The following HIBCH variants were observed in gnomAD, a reference collection of about 807,000 sequenced individuals.
HIBCH encodes 3-hydroxyisobutyryl-CoA hydrolase, mitochondrial.
HIBCH carries 50 observed loss-of-function variants against 58.2 expected under a neutral mutation model. The ratio of observed to expected loss-of-function variants is 0.86; its 90% confidence interval spans 0.68 to 1.09. The LOEUF (loss-of-function observed/expected upper bound fraction) is 1.09. HIBCH is among the 50% of genes least tolerant of loss of function. The pLI, the probability that HIBCH is intolerant of heterozygous loss-of-function variation, is 0.00. For synonymous variants in HIBCH, 151 were observed against 146.9 expected (o/e 1.03, Z -0.20); for missense variants, 450 against 449.7 (o/e 1.00, Z -0.01).
At chr2:190,302,130 G>C (rs1398621109) in intron 2 of HIBCH, among the ~76,000 whole-genome samples, 1 of 152,174 alleles carries the variant, frequency 6.6e-6, no homozygotes, top group Admixed American at 6.5e-5. Flanking sequence ...TTGGAAAAGA[G>C]AGCTTTACTT....
Position 190,217,024 on chromosome 2 carries a change from G to A in HIBCH, c.892-3949C>T, listed in dbSNP as rs1685565479. The stretch of plus-strand genomic sequence containing the variant: ...ATGAGGAAGTGAGGGTGGAGCCAGG[G>A]ATGCTTTTGCTAATGAAAGTGCCCC... On this transcript the variant is annotated intron_variant, in intron 11 of 13. Coordinates refer to ENST00000359678, the MANE Select transcript of HIBCH (RefSeq NM_014362.4). The surrounding 1 kb of genome is among the most constrained non-coding windows in gnomAD (Gnocchi z 4.6). Among the ~76,000 whole-genome samples the A allele has an allele frequency of 6.6e-6, 1 of 152,202 alleles. No individual in the cohort carries two copies. The highest frequency in any genetic ancestry group is 1.5e-5 in the Non-Finnish European group (1 of 68,042).
chr2:190,246,626 G>C (rs910824481), intron 9 of HIBCH, among the ~76,000 whole-genome samples: 1 of 152,210 alleles, frequency 6.6e-6, no homozygotes, highest in Non-Finnish European at 1.5e-5. Flanking sequence ...CTCTCAAGGA[G>C]GAGTTCACAA....
rs1222232047 is a variant in HIBCH at position 190,206,400 on chromosome 2, C to A, written c.1046-1168G>T. Among the ~76,000 whole-genome samples, 3 of 152,222 alleles carry A rather than the reference C, an allele frequency of 2.0e-5. No individual in the cohort carries two copies. The highest frequency in any genetic ancestry group is 4.4e-5 in the Non-Finnish European group (3 of 68,044). ...AAGAATCTCTCTCACTCTAAGTCTT[C>A]TGGTCAATACTACCTGTCTCCTTGA... On this transcript the variant is annotated intron_variant, in intron 13 of 13. Coordinates refer to ENST00000359678, the MANE Select transcript of HIBCH (RefSeq NM_014362.4). This position sits in a 1 kb window ranked among gnomAD's most constrained non-coding sequence, Gnocchi z 5.1.
chr2:190,202,228 T>C (rs1690266256), downstream of HIBCH: 1 of 167,040 alleles, frequency 6.0e-6, no homozygotes, highest in African/African-American at 2.4e-5. Context: ...CAGTATACTT[T>C]TATCACCAAG....
chr2:190,295,593 TAA>T (rs1450980039), intron 3 of HIBCH, among the ~76,000 whole-genome samples: 1 of 152,226 alleles, frequency 6.6e-6, no homozygotes. Context: ...AATAAATATG[TAA>T]CGCACAAGGA....
chr2:190,243,099 C>CT lies in HIBCH; in HGVS notation c.891+1787dup, dbSNP rs1686500619. On this transcript the variant is annotated intron_variant, in intron 11 of 13. Coordinates refer to ENST00000359678, the MANE Select transcript of HIBCH (RefSeq NM_014362.4). This position sits in a 1 kb window ranked among gnomAD's most constrained non-coding sequence, Gnocchi z 4.1. ...TACAAAGTATTGATCCTGGATGTGT[C>CT]TGTGAGGGTGTTGCCAAAAGAGATT... Among the ~76,000 whole-genome samples, 1 of 152,150 alleles carries CT rather than the reference C, an allele frequency of 6.6e-6. No homozygotes were observed. Among genetic ancestry groups the CT allele is most frequent in the African/African-American group, 2.4e-5 (1 of 41,436 alleles).
At chr2:190,237,005 C>G (rs1559026549) in intron 11 of HIBCH, among the ~76,000 whole-genome samples, 1 of 152,056 alleles carries the variant, frequency 6.6e-6, no homozygotes, top group Non-Finnish European at 1.5e-5. Flanking sequence ...TTATTAATAG[C>G]AATAAATGGT....
intron 2 of HIBCH, among the ~76,000 whole-genome samples, chr2:190,297,556 T>C (rs1440898827): frequency 1.3e-5 from 2 of 152,220 alleles, no homozygotes; most frequent in African/African-American, 2.4e-5. Flanking sequence ...CAGATTATAA[T>C]ATGACATACT....
At chr2:190,199,629 C>A, downstream of HIBCH, 1 of 963,078 alleles carries the variant, frequency 1.0e-6, no homozygotes. Context: ...AGGATTTTTA[C>A]ATGCCACTCA....
Position 190,306,930 on chromosome 2 carries a change from A to C in HIBCH, c.78+3824T>G, listed in dbSNP as rs1688423198. ...GATAAGATGGCCAACAAGGCTGTCT[A>C]TTAACCAGGAAGCTGGCCATCACCA... On this transcript the variant is annotated intron_variant, in intron 2 of 13. Coordinates refer to ENST00000359678, the MANE Select transcript of HIBCH (RefSeq NM_014362.4). The surrounding 1 kb of genome is among the most constrained non-coding windows in gnomAD (Gnocchi z 4.6). Among the ~76,000 whole-genome samples, 1 of 152,210 alleles carries C rather than the reference A, an allele frequency of 6.6e-6. No homozygotes were observed. Among genetic ancestry groups the C allele is most frequent in the African/African-American group, 2.4e-5 (1 of 41,462 alleles).
intron 1 of HIBCH, among the ~76,000 whole-genome samples, chr2:190,192,031 CTT>C (rs1416353153): frequency 2.0e-5 from 3 of 151,506 alleles, no homozygotes; most frequent in African/African-American, 7.3e-5. Context: ...TCTAAGAACT[CTT>C]TTCCTAACCC....
intron 7 of HIBCH, among the ~76,000 whole-genome samples, chr2:190,258,581 C>A (rs527638927): frequency 3.0e-4 from 45 of 152,306 alleles, no homozygotes; most frequent in Non-Finnish European, 5.6e-4. Context: ...CCCCTTGCAT[C>A]AGTGTAGCCT....
intron 11 of HIBCH, among the ~76,000 whole-genome samples, chr2:190,223,424 T>C (rs1314039931): frequency 2.0e-5 from 3 of 152,194 alleles, no homozygotes; most frequent in Non-Finnish European, 4.4e-5. Context: ...TCACCACTAT[T>C]TCCTTAGCTC....
chr2:190,232,223 T>C (rs1686121673), intron 11 of HIBCH, among the ~76,000 whole-genome samples: 1 of 152,156 alleles, frequency 6.6e-6, no homozygotes, highest in African/African-American at 2.4e-5. Context: ...TTCAATTTTA[T>C]TTCTATATAT....
At chr2:190,225,422 A>G (rs986084913) in intron 11 of HIBCH, among the ~76,000 whole-genome samples, 21 of 152,260 alleles carry the variant, frequency 1.4e-4, no homozygotes, top group African/African-American at 5.1e-4. Context: ...ACGCAATAAA[A>G]AATGATAAAG....
intron 11 of HIBCH, among the ~76,000 whole-genome samples, chr2:190,227,435 A>G: frequency 6.6e-6 from 1 of 151,960 alleles, no homozygotes; most frequent in Non-Finnish European, 1.5e-5. Context: ...TGGATTAAAG[A>G]CTTAAATGTT....
chr2:190,228,667 T>C (rs953172757), intron 11 of HIBCH, among the ~76,000 whole-genome samples: 1 of 152,134 alleles, frequency 6.6e-6, no homozygotes, highest in Non-Finnish European at 1.5e-5. Flanking sequence ...CCATACAACC[T>C]AGTGAACACA....
rs576267039 is a variant in HIBCH at position 190,278,388 on chromosome 2, G to A, written c.438+9198C>T. ...TCCAGCTAATTTTGTATTTTTAGTA[G>A]AGAGGGGATTTCGCCACGTTGGCCA... On this transcript the variant is annotated intron_variant, in intron 6 of 13. Coordinates refer to ENST00000359678, the MANE Select transcript of HIBCH (RefSeq NM_014362.4). Among the ~76,000 whole-genome samples, 121 of 152,212 alleles carry A rather than the reference G, an allele frequency of 7.9e-4. No individual in the cohort carries two copies. In the Middle Eastern group the frequency reaches 0.014, roughly 17 times the overall value.
intron 1 of HIBCH, among the ~76,000 whole-genome samples, chr2:190,318,525 A>T (rs1438606778): frequency 6.6e-6 from 1 of 152,176 alleles, no homozygotes; most frequent in Admixed American, 6.5e-5. Context: ...TTCAGGGCTG[A>T]GTCTGGAAAA....
Sources: allele counts gnomAD v4.1 joint callset (sites outside exome capture counted in the v4.1 genomes callset), GRCh38; gene constraint gnomAD v4.1.1; non-coding constraint Gnocchi (gnomAD v3.1); transcripts MANE v1.5; gene names NCBI Gene and HGNC (gene_info 2026-07-23, HGNC 2026-07-21).